ANKMY2: variants seen among roughly 807,000 people sequenced by gnomAD.
The protein encoded by ANKMY2 is ankyrin repeat and MYND domain-containing protein 2.
ANKMY2 carries 36 observed loss-of-function variants against 50.4 expected under a neutral mutation model. That is an observed-to-expected ratio of 0.71 (90% confidence interval 0.55 to 0.94). The LOEUF (loss-of-function observed/expected upper bound fraction) is 0.94. Among genes scored for constraint, ANKMY2 ranks in the 40% least tolerant of loss-of-function variants. The probability of loss-of-function intolerance (pLI) is 0.00; values close to 1 mark genes in which losing one functional copy is unlikely to be tolerated. For missense variants in ANKMY2, 565 were observed against 524.0 expected (o/e 1.08, Z -0.76); for synonymous variants, 187 against 178.8 (o/e 1.05, Z -0.36).
chr7:16,612,872 G>A (rs989541921), intron 5 of ANKMY2, among the ~76,000 whole-genome samples: 5 of 152,152 alleles, frequency 3.3e-5, no homozygotes, highest in African/African-American at 1.2e-4. Flanking sequence ...TAATGAGGAG[G>A]AGCAAATAAA....
In ANKMY2 at chr7:16,615,837, C is replaced by T. The variant is rs202235536; in HGVS notation, c.438G>A (p.Lys146=). The T allele has an allele frequency of 9.7e-5, 157 of 1,614,146 alleles. 1 individual carries two copies. The East Asian group carries it at 2.9e-3, about 29-fold the overall frequency. ...FPRERLDYYT[K]PQGLDKEPKL... is the part of the protein sequence containing the mutation. ...TTGGCTCTTTATCCAGTCCCTGGGGCTTAGTGTAATAATCCAGTCTCTCTC... is the reference window on the plus strand; with the variant it reads ...TTGGCTCTTTATCCAGTCCCTGGGGTTTAGTGTAATAATCCAGTCTCTCTC... The change falls in exon 5 of 10, where the codon AAG becomes AAA. Residue 146 remains lysine (K), a synonymous_variant. Transcript: ENST00000306999.
intron 6 of ANKMY2, 120 bp from the exon 7 acceptor site, chr7:16,609,885 C>T: frequency 1.6e-6 from 2 of 1,227,730 alleles, no homozygotes; most frequent in Non-Finnish European, 2.3e-6. Context: ...CTCTTCAAAT[C>T]ATGATGACGG....
intron 1 of ANKMY2, among the ~76,000 whole-genome samples, chr7:16,640,931 T>C (rs952651090): frequency 2.0e-5 from 3 of 152,230 alleles, no homozygotes; most frequent in African/African-American, 4.8e-5. Flanking sequence ...TTAGTTGTTA[T>C]AGTGTTTACG....
chr7:16,616,151 G>A (rs1163635998), intron 4 of ANKMY2, among the ~76,000 whole-genome samples: 3 of 152,048 alleles, frequency 2.0e-5, no homozygotes, highest in Non-Finnish European at 4.4e-5. Context: ...AAGATTATGT[G>A]GATTACAAAA....
At chr7:16,620,836 A>G (rs1781425505) in intron 4 of ANKMY2, among the ~76,000 whole-genome samples, 2 of 152,226 alleles carry the variant, frequency 1.3e-5, no homozygotes, top group South Asian at 4.1e-4. Flanking sequence ...ATTGAAAATA[A>G]CAGATGAGCA....
At chr7:16,642,593 CA>C (rs1224073133) in intron 1 of ANKMY2, among the ~76,000 whole-genome samples, 1 of 150,096 alleles carries the variant, frequency 6.7e-6, no homozygotes, top group Non-Finnish European at 1.5e-5. Flanking sequence ...GTTGTTAGTT[CA>C]AAGTACTAGA....
At chr7:16,627,610 C>G (rs985876926) in intron 2 of ANKMY2, among the ~76,000 whole-genome samples, 3 of 152,164 alleles carry the variant, frequency 2.0e-5, no homozygotes, top group Non-Finnish European at 2.9e-5. Context: ...TATTATGAAG[C>G]TATTAAATGA....
At chr7:16,608,998 C>T (rs966468272) in intron 7 of ANKMY2, among the ~76,000 whole-genome samples, 2 of 151,868 alleles carry the variant, frequency 1.3e-5, no homozygotes, top group Non-Finnish European at 1.5e-5. Context: ...CAGACTCTGT[C>T]GCAAAATAGA....
At chr7:16,607,525 G>A (rs1360911761) in intron 7 of ANKMY2, among the ~76,000 whole-genome samples, 9 of 151,948 alleles carry the variant, frequency 5.9e-5, no homozygotes, top group African/African-American at 1.7e-4. Context: ...CTGAGATTGC[G>A]CCACTGCACT....
At position 16,610,759 on chromosome 7, in the gene ANKMY2, A is replaced by G. The variant is rs756742942; in HGVS notation, c.536T>C (p.Val179Ala). The G allele has an allele frequency of 1.2e-6, 2 of 1,613,540 alleles. No individual in the cohort carries two copies. Among genetic ancestry groups the G allele is most frequent in the Non-Finnish European group, 1.7e-6 (2 of 1,179,844 alleles). Reference protein sequence around the residue: ...TTTNLHPVKIVMLVNENPLLT... With the variant: ...TTTNLHPVKIAMLVNENPLLT... ...CAGAGGATTCTCATTTACAAGCATC[A>G]CGATCTAGAGGAAATCCCAGTGTAC... is the stretch of plus-strand genomic sequence containing the variant. Residue 179 changes from valine to alanine, a missense_variant, in exon 6 of 10, where the codon GTG (valine) becomes GCG (alanine). By Grantham distance (64) the Val-to-Ala change is moderately conservative. Transcript: ENST00000306999.
intron 2 of ANKMY2, among the ~76,000 whole-genome samples, chr7:16,628,781 G>A (rs957880017): frequency 1.3e-4 from 20 of 152,036 alleles, no homozygotes; most frequent in Admixed American, 7.2e-4. Context: ...ACTTCATCAT[G>A]GAGTTTGTTT....
intron 4 of ANKMY2, among the ~76,000 whole-genome samples, chr7:16,620,495 A>T (rs932555105): frequency 5.9e-5 from 9 of 152,154 alleles, no homozygotes; most frequent in African/African-American, 1.9e-4. Flanking sequence ...ATTTCATCTT[A>T]TAAAGTTGCT....
Position 16,627,193 on chromosome 7 carries a change from G to C in ANKMY2, c.133-15C>G, listed in dbSNP as rs367811460. On this transcript the variant is annotated splice_polypyrimidine_tract_variant and intron_variant, in intron 2 of 9. Coordinates refer to ENST00000306999, the MANE Select transcript of ANKMY2 (RefSeq NM_020319.3). The stretch of plus-strand genomic sequence containing the variant: ...GTCATTCCATTCTTTAATAGAAAGA[G>C]GAAAAAAGTATTAATTTTACTGTTT... 1.0e-5 allele frequency: 16 copies of C among 1,538,844 alleles called. No homozygotes were observed. In the African/African-American group the frequency reaches 2.2e-4, roughly 21 times the overall value.
chr7:16,610,402 TTC>T (rs980375287), intron 6 of ANKMY2, 145 bp downstream of exon 6: 1 of 642,730 alleles, frequency 1.6e-6, no homozygotes, highest in African/African-American at 1.8e-5. Flanking sequence ...TATAATATTA[TTC>T]TCTGTTTGTC....
intron 4 of ANKMY2, 107 bp from the exon 5 acceptor site, chr7:16,616,011 A>C: frequency 1.9e-6 from 2 of 1,056,746 alleles, no homozygotes; most frequent in South Asian, 3.4e-5. Flanking sequence ...ATGCACCAAT[A>C]TCTTTATTTT....
intron 4 of ANKMY2, among the ~76,000 whole-genome samples, chr7:16,620,701 T>G (rs910209046): frequency 7.9e-5 from 12 of 151,822 alleles, no homozygotes; most frequent in African/African-American, 2.9e-4. Flanking sequence ...ACCACATATA[T>G]CAGTAATTAC....
chr7:16,608,778 G>T (rs970686162), intron 7 of ANKMY2, among the ~76,000 whole-genome samples: 1 of 152,144 alleles, frequency 6.6e-6, no homozygotes, highest in Non-Finnish European at 1.5e-5. Flanking sequence ...GAGGTGGGTA[G>T]ATCACCTGAG....
At chr7:16,616,105 C>CA (rs1238747921) in intron 4 of ANKMY2, among the ~76,000 whole-genome samples, 1 of 152,052 alleles carries the variant, frequency 6.6e-6, no homozygotes, top group African/African-American at 2.4e-5. Context: ...AGTTGATAAA[C>CA]AATCTTTGAA....
chr7:16,604,681 A>G, intron 8 of ANKMY2, 40 bp downstream of exon 8: 1 of 1,601,810 alleles, frequency 6.2e-7, no homozygotes, highest in Non-Finnish European at 8.5e-7. Flanking sequence ...GGCTGCATCT[A>G]AACCAGAGGT....
Sources: gnomAD v4.1 joint callset for allele counts (sites outside exome capture counted in the v4.1 genomes callset) on GRCh38, gnomAD v4.1.1 for gene constraint, MANE v1.5 for transcripts, NCBI Gene and HGNC (gene_info 2026-07-23, HGNC 2026-07-21) for gene names.